The following DDX60L variants were observed in gnomAD, a reference collection of about 807,000 sequenced individuals.
DDX60L encodes the protein DExD/H-box 60 like.
A neutral mutation model predicts 211.6 loss-of-function variants in DDX60L; 191 were observed. That is an observed-to-expected ratio of 0.90 (90% CI 0.80 to 1.02). DDX60L has a LOEUF of 1.02. DDX60L is among the 50% of genes least tolerant of loss of function. DDX60L has a pLI of 0.00. For missense variants in DDX60L, 2,007 were observed against 1,984.1 expected, an observed-to-expected ratio of 1.01 and a Z score of -0.22; for synonymous variants, 706 against 694.1, an observed-to-expected ratio of 1.02 and a Z score of -0.27.
intron 3 of DDX60L, 48 bp from the exon 4 acceptor site, chr4:168,471,984 A>T (rs1039758254): frequency 6.3e-6 from 9 of 1,439,296 alleles, no homozygotes; most frequent in Non-Finnish European, 7.6e-6. Context: ...TTTCACAGAG[A>T]CTTTGTTGCT....
intron 29 of DDX60L, chr4:168,390,059 A>G (rs1342644905): frequency 1.2e-6 from 1 of 848,054 alleles, no homozygotes; most frequent in East Asian, 1.2e-4. Flanking sequence ...AATTCCCAGA[A>G]AGGTCTGCCA....
intron 10 of DDX60L, among the ~76,000 whole-genome samples, chr4:168,437,859 G>GT (rs72218236): frequency 2.0e-5 from 3 of 151,082 alleles, no homozygotes; most frequent in Middle Eastern, 3.5e-3. Flanking sequence ...ACTCCATGGG[G>GT]TTTTTTTTTG....
At chr4:168,431,694 A>C (rs1055005057) in intron 12 of DDX60L, among the ~76,000 whole-genome samples, 1 of 152,124 alleles carries the variant, frequency 6.6e-6, no homozygotes, top group East Asian at 1.9e-4. Context: ...CTAAAACTTA[A>C]AGTATAATAA....
intron 10 of DDX60L, 37 bp downstream of exon 10, chr4:168,441,300 C>T: frequency 6.5e-7 from 1 of 1,535,862 alleles, no homozygotes; most frequent in Non-Finnish European, 8.8e-7. Context: ...TCAGGACAAA[C>T]ATGCTTTTGT....
intron 6 of DDX60L, among the ~76,000 whole-genome samples, chr4:168,457,225 C>A (rs1195487303): frequency 5.4e-5 from 8 of 146,876 alleles, no homozygotes; most frequent in Admixed American, 2.1e-4. Context: ...GAAAAAAAAA[C>A]AAAACAAAAC....
chr4:168,478,962 G>A (rs967462317), intron 1 of DDX60L, among the ~76,000 whole-genome samples: 7 of 152,030 alleles, frequency 4.6e-5, no homozygotes, highest in African/African-American at 1.7e-4. Context: ...CATACCATGG[G>A]GTATCATACA....
At chr4:168,426,940 G>C (rs1469179445) in intron 14 of DDX60L, 130 bp downstream of exon 14, 2 of 1,044,966 alleles carry the variant, frequency 1.9e-6, no homozygotes, top group South Asian at 3.5e-5. Context: ...TATCTTAAAG[G>C]GTCATGTTGA....
chr4:168,439,782 C>T (rs985950341), intron 10 of DDX60L, among the ~76,000 whole-genome samples: 6 of 152,154 alleles, frequency 3.9e-5, no homozygotes, highest in African/African-American at 1.4e-4. Flanking sequence ...CCATAATCAA[C>T]TTTAATATTG....
At chr4:168,427,016 C>T in intron 14 of DDX60L, 54 bp downstream of exon 14, 1 of 1,505,194 alleles carries the variant, frequency 6.6e-7, no homozygotes, top group South Asian at 1.3e-5. Context: ...AATATGTTAA[C>T]ATCATTAATA....
intron 37 of DDX60L, among the ~76,000 whole-genome samples, chr4:168,360,158 C>T (rs1162487359): frequency 6.6e-6 from 1 of 152,162 alleles, no homozygotes; most frequent in Non-Finnish European, 1.5e-5. Flanking sequence ...CCACATATGA[C>T]TGTCTACAAG....
Position 168,406,624 on chromosome 4 carries a change from C to A in DDX60L, c.3062G>T (p.Trp1021Leu). ...TACCTGAGCCCTGGGCCAAGTTTCC[C>A]AGACTTGAGCCATGGTATCATAAAG... is the stretch of plus-strand genomic sequence containing the variant. ...IQLYDTMAQVWETWPRAQELC... is the reference protein window; with the variant it reads ...IQLYDTMAQVLETWPRAQELC... Residue 1021 changes from tryptophan to leucine, a missense_variant, in exon 23 of 38, where the codon TGG becomes TTG. By Grantham distance (61) the Trp-to-Leu change is moderately conservative (BLOSUM62 -2). Transcript: ENST00000682922. The A allele has an allele frequency of 6.2e-7, 1 of 1,600,648 alleles. No individual in the cohort carries two copies. The highest frequency in any genetic ancestry group is 2.2e-5 in the East Asian group (1 of 44,532).
At chr4:168,392,256 C>G (rs1406158625) in intron 28 of DDX60L, among the ~76,000 whole-genome samples, 2 of 152,168 alleles carry the variant, frequency 1.3e-5, no homozygotes, top group African/African-American at 4.8e-5. Context: ...AATAAAGTTA[C>G]ATTTTCCTTC....
rs767461447 is a variant in DDX60L, at chr4:168,454,758, C to CTTTTT, written c.837+1276_837+1280dup. On this transcript the variant is annotated intron_variant, in intron 7 of 37. Coordinates refer to ENST00000682922, the MANE Select transcript of DDX60L (RefSeq NM_001012967.3). ...GTGCTCCCGAAGAGTAAACAGCTTC[C>CTTTTT]TTTTTTTTTTTTTTTTTTTTTAGCA... Among the ~76,000 whole-genome samples, 32 of 88,592 alleles carry CTTTTT rather than the reference C, an allele frequency of 3.6e-4. 3 individuals are homozygous for CTTTTT. The highest frequency in any genetic ancestry group is 8.3e-4 in the South Asian group (2 of 2,396). 58.1% of individuals were successfully genotyped at this position (88,592 alleles called of 152,430 possible).
intron 22 of DDX60L, among the ~76,000 whole-genome samples, chr4:168,412,345 A>G (rs78409580): frequency 6.6e-6 from 1 of 152,212 alleles, no homozygotes; most frequent in East Asian, 1.9e-4. Context: ...ACCCTGGGCC[A>G]GAGAAAAGCC....
At chr4:168,461,632 T>G (rs1248325696) in intron 5 of DDX60L, 67 bp downstream of exon 5, 4 of 1,109,686 alleles carry the variant, frequency 3.6e-6, no homozygotes, top group East Asian at 2.6e-5. Flanking sequence ...AGAAAGAATA[T>G]TGAGTTAGTG....
chr4:168,469,530 TAA>T (rs1357379474), intron 4 of DDX60L: 1 of 152,094 alleles, frequency 6.6e-6, no homozygotes, highest in Non-Finnish European at 1.5e-5. Context: ...TAAAGAATAA[TAA>T]GTTAGATTTC....
At chr4:168,428,793 T>G (rs557145636) in intron 13 of DDX60L, among the ~76,000 whole-genome samples, 79 of 152,354 alleles carry the variant, frequency 5.2e-4, no homozygotes, top group African/African-American at 1.8e-3. Context: ...CCATAAAATC[T>G]ACCGTTTGTT....
intron 22 of DDX60L, among the ~76,000 whole-genome samples, chr4:168,412,555 G>A (rs1748865396): frequency 6.7e-6 from 1 of 149,038 alleles, no homozygotes; most frequent in Admixed American, 6.8e-5. Context: ...CCAAGCCCTG[G>A]ATCCCAAACA....
chr4:168,363,110 T>C (rs1739379088), intron 36 of DDX60L, among the ~76,000 whole-genome samples: 1 of 152,086 alleles, frequency 6.6e-6, no homozygotes, highest in African/African-American at 2.4e-5. Flanking sequence ...TATCAGCAGA[T>C]TCCCAGCAGA....
Sources: allele counts gnomAD v4.1 joint callset (sites outside exome capture counted in the v4.1 genomes callset), GRCh38; gene constraint gnomAD v4.1.1; transcripts MANE v1.5; gene names NCBI Gene and HGNC (gene_info 2026-07-23, HGNC 2026-07-21).